Variants in PLEKHG4B observed in about 807,000 individuals in gnomAD.
The protein encoded by PLEKHG4B is pleckstrin homology and RhoGEF domain containing G4B, also known as pleckstrin homology domain-containing family G member 4B.
PLEKHG4B carries 111 observed loss-of-function variants against 121.3 expected under a neutral mutation model. The ratio of observed to expected loss-of-function variants is 0.92; its 90% CI spans 0.78 to 1.07. PLEKHG4B has a LOEUF of 1.07. Among genes scored for constraint, PLEKHG4B ranks in the 50% least tolerant of loss-of-function variants. The pLI is 0.00. For missense variants in PLEKHG4B, 1,831 were observed against 1,757.8 expected (o/e 1.04, Z -0.74); for synonymous variants, 738 against 725.0 (o/e 1.02, Z -0.29).
intron 1 of PLEKHG4B, among the ~76,000 whole-genome samples, chr5:95,885 C>G (rs1409856116): frequency 6.6e-6 from 1 of 152,174 alleles, no homozygotes; most frequent in Non-Finnish European, 1.5e-5. Flanking sequence ...GACCACCCAC[C>G]TCTTCAGTGT....
At chr5:155,935 G>T in intron 9 of PLEKHG4B, 136 bp from the exon 10 acceptor site, 1 of 876,674 alleles carries the variant, frequency 1.1e-6, no homozygotes, top group Non-Finnish European at 1.7e-6. Context: ...CCATCAGCTT[G>T]AGGAGTGGGC....
chr5:98,345 C>A (rs1404766132), intron 1 of PLEKHG4B, among the ~76,000 whole-genome samples: 2 of 151,270 alleles, frequency 1.3e-5, no homozygotes, highest in Admixed American at 1.3e-4. Flanking sequence ...GGTCTTTGAA[C>A]CCTGGGTTTG....
intron 2 of PLEKHG4B, among the ~76,000 whole-genome samples, chr5:136,437 T>C (rs1218836895): frequency 6.6e-6 from 1 of 152,002 alleles, no homozygotes; most frequent in East Asian, 1.9e-4. Flanking sequence ...GGGATTAATA[T>C]CCAGAATGAA....
intron 13 of PLEKHG4B, among the ~76,000 whole-genome samples, chr5:165,422 C>T (rs1282777713): frequency 2.2e-5 from 1 of 45,872 alleles, no homozygotes; most frequent in Non-Finnish European, 4.8e-5. Context: ...TCTGACGGGG[C>T]GGGGCTCACA....
rs1735104384 is a variant in PLEKHG4B at position 139,999 on chromosome 5, C to T, written c.760C>T (p.Arg254Cys). The T allele has an allele frequency of 1.5e-5, 6 of 410,020 alleles. No individual in the cohort carries two copies. Among genetic ancestry groups the T allele is most frequent in the Admixed American group, 1.2e-4 (3 of 24,774 alleles). The allele number at this position is 410,020 out of a possible 1,614,324, so 25.4% of individuals were successfully genotyped here. A position where few individuals can be genotyped will look rare whatever the true frequency, so the allele number is the denominator to read the frequency against. Residue 254 changes from arginine to cysteine, a missense_variant, in exon 3 of 20, where the codon CGC becomes TGC. Arg to Cys is a radical substitution (Grantham distance 180, BLOSUM62 -3). Transcript: ENST00000637938. The surrounding 1 kb of genome is among the most constrained non-coding windows in gnomAD (Gnocchi z 5.0). ...CCCCGACACCCTGACCTCACCCTGCCGCCGAGGGCATACGGGCAGCGACCA... is the reference window on the plus strand; with the variant it reads ...CCCCGACACCCTGACCTCACCCTGCTGCCGAGGGCATACGGGCAGCGACCA... ...SCPDTLTSPC[R>C]RGHTGSDQLR...
At chr5:164,907 G>C (rs113528267) in intron 13 of PLEKHG4B, among the ~76,000 whole-genome samples, 4,529 of 38,998 alleles carry the variant, frequency 0.12, 502 homozygotes, top group Non-Finnish European at 0.18. Context: ...CAGTAATGCT[G>C]TGACGGGGCG....
In PLEKHG4B at chr5:140,723, GC is replaced by G. The variant is rs200633642; in HGVS notation, c.1477+8del. 1,304 of 1,548,034 alleles carry G rather than the reference GC, an allele frequency of 8.4e-4. 9 individuals are homozygous for G. In the African/African-American group the frequency reaches 0.016, roughly 19 times the overall value. On this transcript the variant is annotated splice_region_variant and intron_variant, in intron 3 of 19. Coordinates refer to ENST00000637938, the MANE Select transcript of PLEKHG4B (RefSeq NM_052909.5). ...GGCTGCACCAAAGAGGAAGGTAAAT[GC>G]TCCCCACGCCCTCCCCTGCGCACCC...
At chr5:135,440 C>T (rs1423078289) in intron 2 of PLEKHG4B, among the ~76,000 whole-genome samples, 2 of 149,620 alleles carry the variant, frequency 1.3e-5, no homozygotes, top group Non-Finnish European at 3.0e-5. Flanking sequence ...GCCGAGGTGG[C>T]GGATCATGAG....
At chr5:108,323 G>A (rs1358146044) in intron 1 of PLEKHG4B, among the ~76,000 whole-genome samples, 3 of 152,214 alleles carry the variant, frequency 2.0e-5, no homozygotes, top group Non-Finnish European at 4.4e-5. Context: ...CCCCCTTGCC[G>A]TCCTTCCTTC....
intron 11 of PLEKHG4B, among the ~76,000 whole-genome samples, chr5:161,169 G>T (rs1186318372): frequency 6.6e-6 from 1 of 152,206 alleles, no homozygotes; most frequent in Admixed American, 6.5e-5. Context: ...TAAGAACCTT[G>T]GTCTTGTCAC....
At chr5:129,377 A>G (rs893156804) in intron 2 of PLEKHG4B, among the ~76,000 whole-genome samples, 7 of 152,184 alleles carry the variant, frequency 4.6e-5, no homozygotes, top group Non-Finnish European at 8.8e-5. Flanking sequence ...ACCTCTTCCA[A>G]CCAACTGCCA....
chr5:131,937 A>T (rs1366798992), intron 2 of PLEKHG4B, among the ~76,000 whole-genome samples: 5 of 152,182 alleles, frequency 3.3e-5, no homozygotes, highest in Admixed American at 3.3e-4. Context: ...ATCTCAATTG[A>T]TGCAGAAAAA....
chr5:180,925 C>T (rs926988321), intron 18 of PLEKHG4B, among the ~76,000 whole-genome samples: 3 of 152,220 alleles, frequency 2.0e-5, no homozygotes, highest in African/African-American at 7.2e-5. Context: ...TCCCGTTCTC[C>T]CAAGACCTCT....
Position 113,277 on chromosome 5 carries a change from C to T in PLEKHG4B, c.72C>T (p.Ile24=). The T allele has an allele frequency of 2.5e-6, 1 of 399,098 alleles. No homozygotes were observed. The highest frequency in any genetic ancestry group is 3.6e-5 in the East Asian group (1 of 28,072). The allele number at this position is 399,098 out of a possible 1,614,324, so 24.7% of individuals were successfully genotyped here. The part of the protein sequence containing the change: ...ARDLESLDAC[I]QRTLSALYPP... ...ATCTGGAATCTCTTGATGCCTGTAT[C>T]CAGAGGACGCTCTCTGCCTTGTACC... The change falls in exon 2 of 20, where the codon ATC becomes ATT. Residue 24 remains isoleucine (I), a synonymous_variant. Transcript: ENST00000637938. This position sits in a 1 kb window ranked among gnomAD's most constrained non-coding sequence, Gnocchi z 5.2.
intron 6 of PLEKHG4B, among the ~76,000 whole-genome samples, chr5:148,080 C>T (rs976795487): frequency 5.9e-5 from 9 of 152,092 alleles, no homozygotes; most frequent in African/African-American, 2.2e-4. Context: ...GAAACTACCT[C>T]AACATAATAA....
intron 9 of PLEKHG4B, 101 bp downstream of exon 9, chr5:155,544 C>A (rs1735747437): frequency 6.8e-6 from 6 of 882,624 alleles, no homozygotes; most frequent in Non-Finnish European, 5.6e-6. Context: ...TCACTATCAT[C>A]TGTAGCAGAG....
At chr5:104,317 GACTC>G (rs1733911051) in intron 1 of PLEKHG4B, among the ~76,000 whole-genome samples, 1 of 152,168 alleles carries the variant, frequency 6.6e-6, no homozygotes, top group African/African-American at 2.4e-5. Flanking sequence ...TCCCAGCACT[GACTC>G]ACTCACAGAT....
rs953377691 is a variant in PLEKHG4B, at chr5:163,406, G to T, written c.3334G>T (p.Glu1112Ter). The T allele has an allele frequency of 6.2e-7, 1 of 1,613,036 alleles. No homozygotes were observed. ...DHTSVFSKGLEVTSTVATEKK... is the reference protein window; with the variant it reads ...DHTSVFSKGL The stretch of plus-strand genomic sequence containing the variant: ...TACTAGTGTCTTCAGCAAGGGCCTG[G>T]AGGTAACCAGCACTGTAGCCACAGA... Residue 1112 changes from glutamate (E) to a stop codon, truncating the protein, a stop_gained, in exon 13 of 20, where the codon GAG (glutamate) becomes TAG (stop). Coordinates refer to ENST00000637938, the MANE Select transcript of PLEKHG4B (RefSeq NM_052909.5). LOFTEE classifies it high-confidence loss of function.
rs114036913 is a variant in PLEKHG4B, at chr5:173,705, G to T, written c.4222-213G>T. Among the ~76,000 whole-genome samples the T allele has an allele frequency of 7.9e-3, 1,199 of 151,844 alleles. 9 individuals carry two copies. The highest frequency in any genetic ancestry group is 0.027 in the Middle Eastern group (8 of 294). ...ACTCACGAGCAGCCTCACACACACG[G>T]ACAGCTATCCTGCACACAGGCACTC... On this transcript the variant is annotated intron_variant, in intron 17 of 19. Coordinates refer to ENST00000637938, the MANE Select transcript of PLEKHG4B (RefSeq NM_052909.5).
Sources: gnomAD v4.1 joint callset for allele counts (sites outside exome capture counted in the v4.1 genomes callset) on GRCh38, gnomAD v4.1.1 for gene constraint, Gnocchi (gnomAD v3.1) non-coding constraint, MANE v1.5 for transcripts, NCBI Gene and HGNC (gene_info 2026-07-23, HGNC 2026-07-21) for gene names.